Variants in STAB2 observed in about 807,000 individuals in gnomAD.
The protein encoded by STAB2 is stabilin 2, also known as stabilin-2.
Under a neutral mutation model 338.1 loss-of-function variants are expected in STAB2, and 288 were observed. That is an observed-to-expected ratio of 0.85 (90% CI 0.77 to 0.94). The LOEUF (loss-of-function observed/expected upper bound fraction) is 0.94. Among genes scored for constraint, STAB2 ranks in the 40% least tolerant of loss-of-function variants. The probability of loss-of-function intolerance (pLI) is 0.00; values close to 1 mark genes in which losing one functional copy is unlikely to be tolerated. For missense variants in STAB2, 3,141 were observed against 3,210.1 expected (o/e 0.98, Z 0.52); for synonymous variants, 1,202 against 1,193.3 (o/e 1.01, Z -0.15).
At chr12:103,752,595 A>G (rs12426526) in intron 60 of STAB2, among the ~76,000 whole-genome samples, 14,465 of 152,322 alleles carry the variant, frequency 0.095, 1,044 homozygotes, top group East Asian at 0.34. Context: ...TTTTTTAAAA[A>G]GCACAGCAGG....
At chr12:103,672,365 G>C (rs903027100) in intron 22 of STAB2, among the ~76,000 whole-genome samples, 1 of 152,200 alleles carries the variant, frequency 6.6e-6, no homozygotes, top group Admixed American at 6.5e-5. Context: ...GAGGCCAGCC[G>C]GGCAGGACAC....
Position 103,660,384 on chromosome 12 carries a change from G to A in STAB2, c.1788G>A (p.Gln596=). ...GATACCACATTGTCCCATTTACCCA[G>A]GTTGGCCCCACTTTTCCTGCTGCTA... The part of the protein sequence containing the change: ...LVRYHIVPFT[Q]LEVATLISTP... The change falls in exon 16 of 69, where the codon CAG becomes CAA. Residue 596 remains glutamine (Q), a splice_region_variant and synonymous_variant. Transcript: ENST00000388887. 1 of 1,614,134 alleles carries A rather than the reference G, an allele frequency of 6.2e-7. No homozygotes were observed. The highest frequency in any genetic ancestry group is 8.5e-7 in the Non-Finnish European group (1 of 1,180,024).
intron 35 of STAB2, 66 bp from the exon 36 acceptor site, chr12:103,704,491 GT>G (rs1879169557): frequency 6.6e-7 from 1 of 1,518,186 alleles, no homozygotes; most frequent in African/African-American, 1.4e-5. Flanking sequence ...TCATTTCCAA[GT>G]TCTGGACATG....
chr12:103,658,167 C>T (rs142917105), intron 15 of STAB2, among the ~76,000 whole-genome samples: 31 of 152,308 alleles, frequency 2.0e-4, no homozygotes, highest in African/African-American at 6.7e-4. Context: ...GGGAAAGGGA[C>T]GTGAATTTAT....
intron 51 of STAB2, among the ~76,000 whole-genome samples, chr12:103,734,727 C>T (rs939531937): frequency 1.3e-5 from 2 of 152,190 alleles, no homozygotes; most frequent in South Asian, 2.1e-4. Context: ...GCAGCTTAAG[C>T]CACAGAAGTG....
chr12:103,708,403 T>C (rs1429445440), intron 38 of STAB2, 38 bp from the exon 39 acceptor site: 1 of 1,598,448 alleles, frequency 6.3e-7, no homozygotes, highest in Admixed American at 1.7e-5. Context: ...TGAACATGGG[T>C]TAGAATCTGA....
At chr12:103,670,858 C>G in intron 22 of STAB2, 51 bp downstream of exon 22, 2 of 1,490,390 alleles carry the variant, frequency 1.3e-6, no homozygotes, top group South Asian at 2.4e-5. Context: ...GGTTCCCTCT[C>G]GTGCTGCAGC....
At chr12:103,669,948 C>T (rs1298608138) in intron 21 of STAB2, among the ~76,000 whole-genome samples, 2 of 152,186 alleles carry the variant, frequency 1.3e-5, no homozygotes, top group Admixed American at 1.3e-4. Context: ...TTCAAGACTC[C>T]TTCCAGAACT....
chr12:103,761,400 C>T lies in STAB2; in HGVS notation c.7349C>T (p.Pro2450Leu), dbSNP rs768884432. 1.2e-6 allele frequency: 2 copies of T among 1,613,612 alleles called. No homozygotes were observed. Among genetic ancestry groups the T allele is most frequent in the Non-Finnish European group, 1.7e-6 (2 of 1,179,958 alleles). Residue 2450 changes from proline to leucine, a missense_variant, in exon 66 of 69, where the codon CCT (proline) becomes CTT (leucine). Transcript: ENST00000388887. ...ATTTCCAGGCCTTTAAAAGCACCCC[C>T]TGCCCCCGTGGTGAGTATCTAGGGT... ...HVISRPLKAP[P>L]APVTLTHTGL...
At chr12:103,610,278 G>A (rs577166702) in intron 3 of STAB2, among the ~76,000 whole-genome samples, 125 of 152,278 alleles carry the variant, frequency 8.2e-4, no homozygotes, top group South Asian at 3.5e-3. Context: ...ACTCCTCCTC[G>A]TACCTCTGGT....
At chr12:103,690,027 T>G (rs1201991880) in intron 29 of STAB2, 45 bp downstream of exon 29, 2 of 1,581,504 alleles carry the variant, frequency 1.3e-6, no homozygotes, top group East Asian at 2.3e-5. Flanking sequence ...GAATGGCATC[T>G]GTGTAAACAT....
In STAB2 at chr12:103,602,221, T is replaced by C. The variant is rs141999133; in HGVS notation, c.331+7711T>C. Among the ~76,000 whole-genome samples the C allele has an allele frequency of 2.2e-3, 330 of 152,378 alleles. 2 individuals are homozygous for C. Among genetic ancestry groups the C allele is most frequent in the African/African-American group, 7.5e-3 (311 of 41,588 alleles). On this transcript the variant is annotated intron_variant, in intron 3 of 68. Transcript: ENST00000388887. ...GGAATCATACAGTATGTAACCAGTA[T>C]GTACCTTTTTAAGTCTTGTTTCTTT...
At chr12:103,747,381 A>G (rs915767041) in intron 58 of STAB2, among the ~76,000 whole-genome samples, 28 of 152,180 alleles carry the variant, frequency 1.8e-4, no homozygotes, top group African/African-American at 6.5e-4. Context: ...GGGCTAATAC[A>G]GTTTCACTCT....
chr12:103,746,971 TC>T (rs201766164), intron 58 of STAB2, among the ~76,000 whole-genome samples: 6 of 120,206 alleles, frequency 5.0e-5, no homozygotes, highest in Non-Finnish European at 8.9e-5. Flanking sequence ...TTTTTTTTTT[TC>T]CGAGATGGAC....
chr12:103,609,835 A>G (rs1387841112), intron 3 of STAB2, among the ~76,000 whole-genome samples: 1 of 152,146 alleles, frequency 6.6e-6, no homozygotes, highest in East Asian at 1.9e-4. Flanking sequence ...TGTCATAAAT[A>G]GCTCTTATTA....
At chr12:103,746,416 T>G in intron 57 of STAB2, 181 bp from the exon 58 acceptor site, 3 of 600,192 alleles carry the variant, frequency 5.0e-6, no homozygotes, top group Admixed American at 2.7e-5. Flanking sequence ...AAAAGAGTAA[T>G]TCTAGAATCC....
At chr12:103,744,033 G>A (rs553085359) in intron 56 of STAB2, among the ~76,000 whole-genome samples, 4 of 152,178 alleles carry the variant, frequency 2.6e-5, no homozygotes, top group African/African-American at 9.7e-5. Context: ...ACAGAAGCAG[G>A]GCCCCTTGGA....
At chr12:103,703,740 A>G (rs1441726731) in intron 35 of STAB2, among the ~76,000 whole-genome samples, 1 of 152,222 alleles carries the variant, frequency 6.6e-6, no homozygotes, top group Non-Finnish European at 1.5e-5. Context: ...ATGATAATGG[A>G]GGCTTTTCAT....
chr12:103,698,546 C>T (rs1054875542), intron 33 of STAB2, among the ~76,000 whole-genome samples: 5 of 152,136 alleles, frequency 3.3e-5, no homozygotes, highest in Non-Finnish European at 1.5e-5. Flanking sequence ...GTCTGAGCCA[C>T]AGCAAACACC....
Sources: allele counts gnomAD v4.1 joint callset (sites outside exome capture counted in the v4.1 genomes callset), GRCh38; gene constraint gnomAD v4.1.1; transcripts MANE v1.5; gene names NCBI Gene and HGNC (gene_info 2026-07-23, HGNC 2026-07-21).